Variants in TRPC5 observed in about 807,000 individuals in gnomAD.
TRPC5 encodes transient receptor potential cation channel subfamily C member 5, also known as short transient receptor potential channel 5.
In TRPC5, 9 loss-of-function variants were observed where a neutral mutation model predicts 56.5. The ratio of observed to expected loss-of-function variants is 0.16; its 90% CI spans 0.10 to 0.28. TRPC5 has a LOEUF of 0.28. TRPC5 is among the 10% of genes least tolerant of loss of function. TRPC5 has a pLI of 1.00. For missense variants in TRPC5, 469 were observed against 748.9 expected, an observed-to-expected ratio of 0.63 and a Z score of 4.36; for synonymous variants, 282 against 278.5, an observed-to-expected ratio of 1.01 and a Z score of -0.13.
intron 1 of TRPC5, among the ~76,000 whole-genome samples, chrX:111,958,510 A>G (rs763038284): frequency 8.9e-6 from 1 of 112,280 alleles, no homozygotes; most frequent in East Asian, 2.8e-4. Flanking sequence ...CCATGAAAGA[A>G]TGGTGGGGAT....
At chrX:111,994,912 T>C (rs1456866343) in intron 1 of TRPC5, among the ~76,000 whole-genome samples, 1 of 111,919 alleles carries the variant, frequency 8.9e-6, no homozygotes, top group Non-Finnish European at 1.9e-5. Flanking sequence ...TCTTGCCTGA[T>C]TGCTAATTGA....
intron 1 of TRPC5, among the ~76,000 whole-genome samples, chrX:111,953,712 C>A (rs1025057271): frequency 1.8e-5 from 2 of 112,358 alleles, no homozygotes; most frequent in Non-Finnish European, 3.8e-5. Flanking sequence ...CCTTTTCTCA[C>A]CTTCTGGATG....
chrX:111,971,285 A>T (rs1927777919), intron 1 of TRPC5, among the ~76,000 whole-genome samples: 1 of 111,842 alleles, frequency 8.9e-6, no homozygotes, highest in South Asian at 3.8e-4. Flanking sequence ...CTATTTGTTT[A>T]TACTATGAAG....
At chrX:111,879,862 C>T (rs935943870) in intron 3 of TRPC5, among the ~76,000 whole-genome samples, 7 of 112,117 alleles carry the variant, frequency 6.2e-5, no homozygotes, top group Non-Finnish European at 1.1e-4. Context: ...GCCTGTGGCT[C>T]TTATCCATTG....
intron 7 of TRPC5, among the ~76,000 whole-genome samples, chrX:111,807,956 C>CTCTGTGTG (rs905386723): frequency 0.027 from 2,503 of 91,856 alleles, 149 homozygotes; most frequent in African/African-American, 0.12. Context: ...CTCTCTCTCT[C>CTCTGTGTG]TGTGTGTGTG....
rs145791083 is a variant in TRPC5 at position 111,878,777 on chromosome X, C to A, written c.901-24671G>T. 7.0e-3 allele frequency among the ~76,000 whole-genome samples: 783 copies of A among 111,633 alleles called. 2 individuals carry two copies. The highest frequency in any genetic ancestry group is 0.012 in the Non-Finnish European group (639 of 53,078). The stretch of plus-strand genomic sequence containing the variant: ...GTGATCTGGGCCTAGTCTGTTTATC[C>A]CTTTGTCCTTCAGCAGGGGCAATCC... On this transcript the variant is annotated intron_variant, in intron 3 of 10. Coordinates refer to ENST00000262839, the MANE Select transcript of TRPC5 (RefSeq NM_012471.3).
chrX:111,972,746 GA>G (rs1203417442), intron 1 of TRPC5, among the ~76,000 whole-genome samples: 1 of 111,736 alleles, frequency 8.9e-6, no homozygotes, highest in Non-Finnish European at 1.9e-5. Flanking sequence ...TAAATCTTGA[GA>G]AAAAATATTA....
At chrX:111,956,528 A>C (rs769399677) in intron 1 of TRPC5, among the ~76,000 whole-genome samples, 2 of 111,426 alleles carry the variant, frequency 1.8e-5, no homozygotes, top group East Asian at 2.8e-4. Flanking sequence ...CTAGGAAAAA[A>C]AATAATATTT....
intron 1 of TRPC5, among the ~76,000 whole-genome samples, chrX:112,033,577 CT>C (rs1214263654): frequency 9.1e-6 from 1 of 110,178 alleles, no homozygotes; most frequent in Non-Finnish European, 1.9e-5. Context: ...GTTGCTTATG[CT>C]TTAGGTATTC....
At chrX:111,833,104 G>A (rs1017333365) in intron 7 of TRPC5, among the ~76,000 whole-genome samples, 4 of 111,579 alleles carry the variant, frequency 3.6e-5, no homozygotes, top group African/African-American at 1.3e-4. Flanking sequence ...TAGACTAGGA[G>A]TGAACATAAA....
chrX:111,950,189 G>A (rs746286588), intron 2 of TRPC5, among the ~76,000 whole-genome samples: 1 of 110,574 alleles, frequency 9.0e-6, no homozygotes, highest in Admixed American at 9.6e-5. Flanking sequence ...GCCAGGCGTG[G>A]TGGCAGGCAC....
At chrX:111,796,497 G>T in intron 7 of TRPC5, among the ~76,000 whole-genome samples, 1 of 111,820 alleles carries the variant, frequency 8.9e-6, no homozygotes. Context: ...TTTTGTTGGT[G>T]TTTGTTTAGT....
chrX:111,842,081 G>A (rs6642946), intron 6 of TRPC5, among the ~76,000 whole-genome samples: 2 of 72,565 alleles, frequency 2.8e-5, no homozygotes, highest in Non-Finnish European at 5.4e-5. Flanking sequence ...ATCTATCTAT[G>A]TGTGTGTGTA....
At chrX:111,829,506 C>T (rs749358280) in intron 7 of TRPC5, among the ~76,000 whole-genome samples, 13 of 111,697 alleles carry the variant, frequency 1.2e-4, no homozygotes, top group Admixed American at 1.9e-4. Flanking sequence ...CCTCCCATCA[C>T]GGGCCCAGAG....
chrX:111,990,565 G>C (rs1414120467), intron 1 of TRPC5, among the ~76,000 whole-genome samples: 1 of 111,702 alleles, frequency 9.0e-6, no homozygotes, highest in Non-Finnish European at 1.9e-5. Flanking sequence ...CCAAGACAGG[G>C]AGATAAAGAA....
At chrX:111,899,814 C>T (rs1289535312) in intron 3 of TRPC5, among the ~76,000 whole-genome samples, 1 of 111,581 alleles carries the variant, frequency 9.0e-6, no homozygotes, top group Non-Finnish European at 1.9e-5. Flanking sequence ...TATTTTCTTA[C>T]ATGAGACGTT....
chrX:112,009,360 G>GT (rs1928930758), intron 1 of TRPC5, among the ~76,000 whole-genome samples: 1 of 111,324 alleles, frequency 9.0e-6, no homozygotes, highest in Non-Finnish European at 1.9e-5. Context: ...GCTGCTTCGG[G>GT]TATCTTCATC....
Position 111,773,666 on chromosome X carries a change from T to G in TRPC5, c.*2647A>C, listed in dbSNP as rs764353383. Among the ~76,000 whole-genome samples the G allele has an allele frequency of 9.0e-6, 1 of 111,440 alleles. No homozygotes were observed. Among genetic ancestry groups the G allele is most frequent in the South Asian group, 3.9e-4 (1 of 2,574 alleles). On this transcript the variant is annotated 3_prime_UTR_variant, in exon 11 of 11. Transcript: ENST00000262839. ...GAGTTTATTGACCAGCTCTGTGACC[T>G]TGAGCAAGTCATTGTCCTTCTCTGG...
intron 2 of TRPC5, among the ~76,000 whole-genome samples, chrX:111,945,927 AC>A (rs758788709): frequency 8.9e-6 from 1 of 112,430 alleles, no homozygotes; most frequent in East Asian, 2.8e-4. Context: ...GCCCGTCTAA[AC>A]CAAAGGTCCT....
Sources: allele counts gnomAD v4.1 joint callset (sites outside exome capture counted in the v4.1 genomes callset), GRCh38; gene constraint gnomAD v4.1.1; transcripts MANE v1.5; gene names NCBI Gene and HGNC (gene_info 2026-07-23, HGNC 2026-07-21).